Variants in ARHGAP24 observed in about 807,000 individuals in gnomAD.
ARHGAP24 encodes the protein rho GTPase-activating protein 24.
Under a neutral mutation model 76.4 loss-of-function variants are expected in ARHGAP24, and 50 were observed. The ratio of observed to expected loss-of-function variants is 0.65; its 90% CI spans 0.52 to 0.83. The LOEUF (loss-of-function observed/expected upper bound fraction) is 0.83, where lower values mean the gene tolerates loss of function less well. Ranked by LOEUF, ARHGAP24 falls within the 40% of genes least tolerant of loss-of-function variation. The probability of loss-of-function intolerance (pLI) is 0.00; values close to 1 mark genes in which losing one functional copy is unlikely to be tolerated. For missense variants in ARHGAP24, 930 were observed against 914.2 expected, an observed-to-expected ratio of 1.02 and a Z score of -0.22; for synonymous variants, 345 against 323.3, an observed-to-expected ratio of 1.07 and a Z score of -0.72.
At chr4:85,845,271 A>G (rs1730819074) in intron 3 of ARHGAP24, among the ~76,000 whole-genome samples, 1 of 152,192 alleles carries the variant, frequency 6.6e-6, no homozygotes, top group Non-Finnish European at 1.5e-5. Context: ...TACATACAAG[A>G]ATTTTATTAT....
chr4:85,502,380 G>A (rs1164937070), intron 1 of ARHGAP24, among the ~76,000 whole-genome samples: 2 of 152,072 alleles, frequency 1.3e-5, no homozygotes, highest in Non-Finnish European at 2.9e-5. Flanking sequence ...CCATTTGTTT[G>A]TGTCCTCTTT....
chr4:85,507,388 T>C (rs2110103292), intron 1 of ARHGAP24, among the ~76,000 whole-genome samples: 1 of 152,318 alleles, frequency 6.6e-6, no homozygotes, highest in South Asian at 2.1e-4. Context: ...TTTACCTTTT[T>C]ATTCACTGGT....
At chr4:85,561,277 G>T (rs1375243855) in intron 1 of ARHGAP24, among the ~76,000 whole-genome samples, 1 of 152,170 alleles carries the variant, frequency 6.6e-6, no homozygotes, top group African/African-American at 2.4e-5. Flanking sequence ...AACCACAGGT[G>T]AAAGTCCTAA....
intron 1 of ARHGAP24, among the ~76,000 whole-genome samples, chr4:85,539,070 T>C (rs1725580281): frequency 6.6e-6 from 1 of 152,126 alleles, no homozygotes; most frequent in South Asian, 2.1e-4. Flanking sequence ...ATATGAGAGG[T>C]TTTTTTACAC....
At chr4:85,626,470 A>G (rs189383541) in intron 2 of ARHGAP24, among the ~76,000 whole-genome samples, 5 of 133,574 alleles carry the variant, frequency 3.7e-5, no homozygotes, top group African/African-American at 8.7e-5. Flanking sequence ...CCCTTTGTGG[A>G]TAACCCGACC....
At chr4:85,613,774 C>T (rs541911210) in intron 2 of ARHGAP24, among the ~76,000 whole-genome samples, 12 of 152,282 alleles carry the variant, frequency 7.9e-5, no homozygotes, top group African/African-American at 2.4e-4. Context: ...TTTAACCAAA[C>T]ATATTACTAA....
At chr4:85,792,237 G>A (rs1728163272) in intron 3 of ARHGAP24, among the ~76,000 whole-genome samples, 1 of 151,824 alleles carries the variant, frequency 6.6e-6, no homozygotes, top group Non-Finnish European at 1.5e-5. Flanking sequence ...AACTTTTGAC[G>A]GTTTTAAAAA....
intron 3 of ARHGAP24, among the ~76,000 whole-genome samples, chr4:85,861,000 G>GCGCGCA (rs71657503): frequency 2.2e-5 from 3 of 137,446 alleles, no homozygotes; most frequent in African/African-American, 8.9e-5. Flanking sequence ...GTGCATGCAC[G>GCGCGCA]CACACACACA....
In ARHGAP24 at chr4:85,855,772, GAA is replaced by G. The variant is rs11406317; in HGVS notation, c.269-67863_269-67862del. ...CAGCCTGGGCAATAAAAGCAAAAAA[GAA>G]AAAAAAAAAAAAGAATCTGACACTC... On this transcript the variant is annotated intron_variant, in intron 3 of 9. Coordinates refer to ENST00000395184, the MANE Select transcript of ARHGAP24 (RefSeq NM_001025616.3). Among the ~76,000 whole-genome samples, 1,219 of 140,840 alleles carry G rather than the reference GAA, an allele frequency of 8.7e-3. 15 individuals are homozygous for G. Among genetic ancestry groups the G allele is most frequent in the East Asian group, 0.041 (184 of 4,522 alleles). 92.4% of individuals were successfully genotyped at this position (140,840 alleles called of 152,430 possible).
rs549757000 is a variant in ARHGAP24 at position 85,805,622 on chromosome 4, T to C, written c.268+83650T>C. On this transcript the variant is annotated intron_variant, in intron 3 of 9. Transcript: ENST00000395184. ...CTGCTGTTGTAGGGTTCTTTATTAG[T>C]AGCATACTAGCAAAGGCTTTATGGC... Among the ~76,000 whole-genome samples the C allele has an allele frequency of 1.3e-4, 20 of 152,326 alleles. No individual in the cohort carries two copies. The South Asian group carries it at 4.1e-3, about 32-fold the overall frequency.
intron 1 of ARHGAP24, among the ~76,000 whole-genome samples, chr4:85,548,100 C>T (rs1029941608): frequency 6.6e-6 from 1 of 152,096 alleles, no homozygotes; most frequent in African/African-American, 2.4e-5. Context: ...CTCAAATTTT[C>T]CCAGATTTAT....
At chr4:85,961,681 C>T (rs1179213579) in intron 5 of ARHGAP24, among the ~76,000 whole-genome samples, 2 of 151,650 alleles carry the variant, frequency 1.3e-5, no homozygotes, top group East Asian at 3.9e-4. Context: ...AAATTATTTG[C>T]GATGTTTGGC....
At chr4:85,895,467 A>G (rs546754585) in intron 3 of ARHGAP24, among the ~76,000 whole-genome samples, 10 of 152,282 alleles carry the variant, frequency 6.6e-5, no homozygotes, top group African/African-American at 2.2e-4. Flanking sequence ...ATAAATGAAC[A>G]TGGAATTCAT....
intron 2 of ARHGAP24, among the ~76,000 whole-genome samples, chr4:85,664,123 T>C (rs1277981289): frequency 6.6e-6 from 1 of 151,478 alleles, no homozygotes; most frequent in Non-Finnish European, 1.5e-5. Flanking sequence ...AGAATTCGGC[T>C]GTGAATCCAT....
At chr4:85,961,137 C>T (rs1383636025) in intron 5 of ARHGAP24, among the ~76,000 whole-genome samples, 5 of 151,982 alleles carry the variant, frequency 3.3e-5, no homozygotes, top group Non-Finnish European at 5.9e-5. Flanking sequence ...TAGCAAAGCA[C>T]ACGACTGCAT....
chr4:85,941,908 A>G (rs890143380), intron 4 of ARHGAP24, among the ~76,000 whole-genome samples, 158 bp from the exon 5 acceptor site: 4 of 152,216 alleles, frequency 2.6e-5, no homozygotes, highest in African/African-American at 7.2e-5. Context: ...GGAATTGTAT[A>G]TAATGAATTT....
At chr4:85,788,383 T>C (rs1446437800) in intron 3 of ARHGAP24, among the ~76,000 whole-genome samples, 3 of 152,242 alleles carry the variant, frequency 2.0e-5, no homozygotes, top group Non-Finnish European at 4.4e-5. Flanking sequence ...CAATCATTTT[T>C]AGCTATCTAT....
intron 2 of ARHGAP24, among the ~76,000 whole-genome samples, chr4:85,659,583 A>G (rs1004940535): frequency 4.6e-5 from 7 of 152,296 alleles, no homozygotes; most frequent in African/African-American, 1.7e-4. Flanking sequence ...GTTCTATTAC[A>G]CTATTTGGAA....
intron 3 of ARHGAP24, among the ~76,000 whole-genome samples, chr4:85,888,757 T>C (rs1733715696): frequency 6.6e-6 from 1 of 152,180 alleles, no homozygotes; most frequent in Non-Finnish European, 1.5e-5. Flanking sequence ...TTTTTTGTCC[T>C]GATCCTCTCC....
Sources: gnomAD v4.1 joint callset for allele counts (sites outside exome capture counted in the v4.1 genomes callset) on GRCh38, gnomAD v4.1.1 for gene constraint, MANE v1.5 for transcripts, NCBI Gene and HGNC (gene_info 2026-07-23, HGNC 2026-07-21) for gene names.